STAU2: variants seen among roughly 807,000 people sequenced by gnomAD.
The protein encoded by STAU2 is staufen double-stranded RNA binding protein 2, also known as double-stranded RNA-binding protein Staufen homolog 2.
Under a neutral mutation model 65.9 loss-of-function variants are expected in STAU2, and 20 were observed. That is an observed-to-expected ratio of 0.30 (90% confidence interval 0.21 to 0.44). STAU2 has a LOEUF of 0.44. Ranked by LOEUF, STAU2 falls within the 20% of genes least tolerant of loss-of-function variation. STAU2 has a pLI of 1.00. For synonymous variants in STAU2, 232 were observed against 233.9 expected, an observed-to-expected ratio of 0.99 and a Z score of 0.07; for missense variants, 558 against 683.9, an observed-to-expected ratio of 0.82 and a Z score of 2.05.
intron 13 of STAU2, among the ~76,000 whole-genome samples, chr8:73,459,955 G>C (rs929230988): frequency 8.5e-5 from 13 of 152,188 alleles, no homozygotes; most frequent in Admixed American, 3.9e-4. Flanking sequence ...ATACACAATG[G>C]AGATCAGAGG....
intron 13 of STAU2, among the ~76,000 whole-genome samples, chr8:73,457,398 G>A (rs1819126126): frequency 6.6e-6 from 1 of 152,172 alleles, no homozygotes; most frequent in South Asian, 2.1e-4. Flanking sequence ...GGGCTGTGTG[G>A]CCTCCACACT....
chr8:73,466,866 G>A (rs73320864), intron 13 of STAU2, among the ~76,000 whole-genome samples: 11,146 of 152,192 alleles, frequency 0.073, 819 homozygotes, highest in African/African-American at 0.19. Flanking sequence ...TTGTGGCACC[G>A]CCTCAGCTCT....
At chr8:73,427,434 G>A (rs1447252318) in intron 13 of STAU2, among the ~76,000 whole-genome samples, 1 of 152,090 alleles carries the variant, frequency 6.6e-6, no homozygotes, top group Non-Finnish European at 1.5e-5. Flanking sequence ...CACTAGACTT[G>A]GCTTTGTCTG....
At chr8:73,641,744 T>C (rs182386382) in intron 6 of STAU2, among the ~76,000 whole-genome samples, 1 of 152,358 alleles carries the variant, frequency 6.6e-6, no homozygotes, top group Admixed American at 6.5e-5. Context: ...TTGTGTGTCA[T>C]ACTTATTAAC....
chr8:73,511,962 T>C (rs529503147), intron 13 of STAU2, among the ~76,000 whole-genome samples: 11 of 152,314 alleles, frequency 7.2e-5, no homozygotes, highest in African/African-American at 2.4e-4. Flanking sequence ...CAAATTCATC[T>C]TTTTCATATG....
intron 12 of STAU2, among the ~76,000 whole-genome samples, chr8:73,560,624 A>G (rs1808151205): frequency 6.6e-6 from 1 of 152,246 alleles, no homozygotes; most frequent in Non-Finnish European, 1.5e-5. Context: ...TGGTGAACAC[A>G]GTACCAACGG....
At chr8:73,502,321 G>C (rs567086370) in intron 13 of STAU2, among the ~76,000 whole-genome samples, 11 of 151,886 alleles carry the variant, frequency 7.2e-5, no homozygotes, top group African/African-American at 2.4e-4. Context: ...ATTAACTGTT[G>C]ATACATGTCC....
At chr8:73,664,283 C>T (rs1817068644) in intron 6 of STAU2, among the ~76,000 whole-genome samples, 1 of 152,140 alleles carries the variant, frequency 6.6e-6, no homozygotes, top group Non-Finnish European at 1.5e-5. Context: ...CTCGACCTCC[C>T]AAAGTGCTGG....
chr8:73,688,436 G>A (rs1315458944), intron 5 of STAU2, among the ~76,000 whole-genome samples: 2 of 151,986 alleles, frequency 1.3e-5, no homozygotes, highest in African/African-American at 4.8e-5. Context: ...AAAGTGCTGG[G>A]ATTACAGGCG....
At chr8:73,582,957 T>C in intron 11 of STAU2, 127 bp from the exon 12 acceptor site, 2 of 749,320 alleles carry the variant, frequency 2.7e-6, no homozygotes, top group Admixed American at 2.5e-5. Context: ...ATCTCTATCT[T>C]TGACCCTGGG....
intron 10 of STAU2, among the ~76,000 whole-genome samples, chr8:73,600,147 A>G (rs746079133): frequency 3.3e-5 from 5 of 152,216 alleles, no homozygotes; most frequent in Non-Finnish European, 4.4e-5. Flanking sequence ...GTAAGAAAAT[A>G]CAAACTTAAA....
chr8:73,508,052 C>T (rs765134832), intron 13 of STAU2, among the ~76,000 whole-genome samples: 7 of 152,302 alleles, frequency 4.6e-5, no homozygotes, highest in African/African-American at 1.4e-4. Flanking sequence ...ACCACCTGAA[C>T]TTTCTCCATA....
rs1458099578 is a variant in STAU2 at position 73,746,808 on chromosome 8, C to T, written c.-222G>A. ...CTTCTTGCCGGGGACACTTTGCAGACGGCTCCAACATTGGCAAACACTACA... is the reference window on the plus strand; with the variant it reads ...CTTCTTGCCGGGGACACTTTGCAGATGGCTCCAACATTGGCAAACACTACA... On this transcript the variant is annotated 5_prime_UTR_variant, in exon 1 of 15. Coordinates refer to ENST00000524300, the MANE Select transcript of STAU2 (RefSeq NM_001164380.2). 15 of 1,232,014 alleles carry T rather than the reference C, an allele frequency of 1.2e-5. No homozygotes were observed. In the African/African-American group the frequency reaches 2.3e-4, roughly 19 times the overall value. The allele number at this position is 1,232,014 out of a possible 1,614,324, so 76.3% of individuals were successfully genotyped here. A position where few individuals can be genotyped will look rare whatever the true frequency, so the allele number is the denominator to read the frequency against.
rs1275745455 is a variant in STAU2, at chr8:73,625,061, A to T, written c.411-7610T>A. 4.1e-5 allele frequency among the ~76,000 whole-genome samples: 6 copies of T among 147,672 alleles called. No individual in the cohort carries two copies. In the South Asian group the frequency reaches 1.1e-3, roughly 26 times the overall value. On this transcript the variant is annotated intron_variant, in intron 6 of 14. Coordinates refer to ENST00000524300, the MANE Select transcript of STAU2 (RefSeq NM_001164380.2). ...ACACCCACTAGGATGGCTATAGTTT[A>T]AAAAAAAAAAGTCATAAAGACATGG... is the stretch of plus-strand genomic sequence containing the variant.
At chr8:73,745,007 T>C (rs1807173728) in intron 1 of STAU2, among the ~76,000 whole-genome samples, 1 of 152,216 alleles carries the variant, frequency 6.6e-6, no homozygotes, top group Non-Finnish European at 1.5e-5. Context: ...ACACTGGTTT[T>C]TATGGGGAAA....
chr8:73,689,522 G>A (rs757144953), intron 4 of STAU2, among the ~76,000 whole-genome samples: 7 of 151,966 alleles, frequency 4.6e-5, no homozygotes, highest in Non-Finnish European at 5.9e-5. Context: ...GTTTTAGCAT[G>A]GCACAAAGGC....
intron 6 of STAU2, chr8:73,669,042 T>C: frequency 1.8e-6 from 1 of 566,478 alleles, no homozygotes; most frequent in South Asian, 1.6e-5. Flanking sequence ...ATCTGGGTTC[T>C]GACAAGGAAA....
At chr8:73,605,862 CACACACACACACACAT>C (rs1408277427) in intron 9 of STAU2, among the ~76,000 whole-genome samples, 113 of 81,422 alleles carry the variant, frequency 1.4e-3, no homozygotes, top group East Asian at 4.4e-3. Context: ...CACACACACA[CACACACACACACACAT>C]ACACACACAC....
chr8:73,421,518 A>G, intron 14 of STAU2, 53 bp from the exon 15 acceptor site: 1 of 1,512,266 alleles, frequency 6.6e-7, no homozygotes, highest in South Asian at 1.2e-5. Flanking sequence ...GCACATCTTC[A>G]GACATGTTTA....
Sources: allele counts gnomAD v4.1 joint callset (sites outside exome capture counted in the v4.1 genomes callset), GRCh38; gene constraint gnomAD v4.1.1; transcripts MANE v1.5; gene names NCBI Gene and HGNC (gene_info 2026-07-23, HGNC 2026-07-21).